VRK3: variants seen among roughly 807,000 people sequenced by gnomAD.
The protein encoded by VRK3 is VRK serine/threonine kinase 3, also known as serine/threonine-protein kinase VRK3.
In VRK3, 50 loss-of-function variants were observed where a neutral mutation model predicts 60.4. The observed-to-expected ratio is 0.83, with a 90% CI of 0.66 to 1.05. The LOEUF is 1.05. Ranked by LOEUF, VRK3 falls within the 50% of genes least tolerant of loss-of-function variation. The pLI is 0.00. For missense variants in VRK3, 549 were observed against 585.3 expected, an observed-to-expected ratio of 0.94 and a Z score of 0.64; for synonymous variants, 246 against 227.8, an observed-to-expected ratio of 1.08 and a Z score of -0.72.
intron 5 of VRK3, chr19:50,001,152 G>T (rs1320492270): frequency 3.1e-6 from 1 of 326,180 alleles, no homozygotes; most frequent in Non-Finnish European, 5.7e-6. Context: ...TAAGTGAGTG[G>T]GGCTCGCTGA....
chr19:49,995,793 G>A (rs932760302), intron 7 of VRK3, among the ~76,000 whole-genome samples: 3 of 152,096 alleles, frequency 2.0e-5, no homozygotes, highest in Admixed American at 6.6e-5. Flanking sequence ...CTGTCGCCCT[G>A]GATGGAATAC....
intron 5 of VRK3, among the ~76,000 whole-genome samples, chr19:50,007,020 A>G (rs2076903437): frequency 6.6e-6 from 1 of 151,932 alleles, no homozygotes; most frequent in Non-Finnish European, 1.5e-5. Flanking sequence ...CCCCACCCCC[A>G]AGCACGATGA....
chr19:49,981,711 TAAAG>T, intron 12 of VRK3: 1 of 999,796 alleles, frequency 1.0e-6, no homozygotes, highest in Non-Finnish European at 1.2e-6. Flanking sequence ...AAGATGGAAA[TAAAG>T]ATTTTATTAC....
intron 6 of VRK3, 171 bp from the exon 7 acceptor site, chr19:49,997,741 G>T: frequency 1.6e-6 from 1 of 617,064 alleles, no homozygotes; most frequent in Non-Finnish European, 2.8e-6. Context: ...GAGACTGCGA[G>T]CTACCTTGCT....
rs558859093 is a variant in VRK3, at chr19:50,014,321, G to A, written c.139+1703C>T. ...CGTCTGTAATGCCAGTACTTTGGGA[G>A]GCCGAGGCGGGTGGATCATTTGAGG... On this transcript the variant is annotated intron_variant, in intron 3 of 14. Coordinates refer to ENST00000316763, the MANE Select transcript of VRK3 (RefSeq NM_016440.4). Among the ~76,000 whole-genome samples the A allele has an allele frequency of 3.8e-4, 58 of 152,080 alleles. 1 individual carries two copies. The highest frequency in any genetic ancestry group is 7.9e-4 in the Non-Finnish European group (54 of 67,988).
rs1396166635 is a variant in VRK3, at chr19:49,979,200, T to C, written c.1319A>G (p.Tyr440Cys). 6.2e-7 allele frequency: 1 copy of C among 1,613,866 alleles called. No individual in the cohort carries two copies. The highest frequency in any genetic ancestry group is 1.1e-5 in the South Asian group (1 of 91,070). The stretch of plus-strand genomic sequence containing the variant: ...CATGGCGTAGGGCGGCTTCTCCTCA[T>C]ACGTGAGGGCCATCACCACCTTCAG... ...KYLKVVMALT[Y>C]EEKPPYAMLR... The change falls in exon 14 of 15, where the codon TAT becomes TGT. Residue 440 changes from tyrosine (Y) to cysteine (C), a missense_variant. Coordinates refer to ENST00000316763, the MANE Select transcript of VRK3 (RefSeq NM_016440.4).
chr19:49,989,608 T>C, intron 11 of VRK3, 31 bp downstream of exon 11: 1 of 1,575,928 alleles, frequency 6.3e-7, no homozygotes, highest in Non-Finnish European at 8.7e-7. Flanking sequence ...AGCATCTCTC[T>C]GCGGTCCCAA....
At chr19:49,986,156 T>C (rs2076511971) in intron 12 of VRK3, 1 of 152,230 alleles carries the variant, frequency 6.6e-6, no homozygotes, top group African/African-American at 2.4e-5. Flanking sequence ...ATTAAACACA[T>C]ACCCAAGAAC....
At position 49,979,148 on chromosome 19, in the gene VRK3, C is replaced by T. The variant is rs1300364150; in HGVS notation, c.1371G>A (p.Leu457=). ...AMLRNNLEAL[L]QDLRVSPYDP... is the part of the protein sequence containing the mutation. ...CATATGGAGACACACGCAGATCCTG[C>T]AGCAAAGCTTCTAGGTTGTTCCTCA... Residue 457 remains leucine, a synonymous_variant, in exon 14 of 15, where the codon CTG becomes CTA. Transcript: ENST00000316763. 4 of 1,614,006 alleles carry T rather than the reference C, an allele frequency of 2.5e-6. No homozygotes were observed. The Admixed American group carries it at 5.0e-5, about 20-fold the overall frequency.
Position 50,023,180 on chromosome 19 carries a change from G to C in VRK3, c.-65+2087C>G, listed in dbSNP as rs189208015. 9.2e-5 allele frequency among the ~76,000 whole-genome samples: 14 copies of C among 152,198 alleles called. No individual in the cohort carries two copies. The East Asian group carries it at 2.5e-3, about 27-fold the overall frequency. ...AGACCTTCTTGGACACGATTTTACT[G>C]TGTTTTTTCTTTTCTTTTTTTTGAG... On this transcript the variant is annotated intron_variant, in intron 1 of 14. Transcript: ENST00000316763.
At position 49,980,838 on chromosome 19, in the gene VRK3, T is replaced by C. The variant is rs572122613; in HGVS notation, c.1276+117A>G. On this transcript the variant is annotated intron_variant, in intron 13 of 14. Coordinates refer to ENST00000316763, the MANE Select transcript of VRK3 (RefSeq NM_016440.4). ...TTCTACAATGGGTACGTATTACAAATGCAATTTGGAAAACTAAAAAAAATG... is the reference window on the plus strand; with the variant it reads ...TTCTACAATGGGTACGTATTACAAACGCAATTTGGAAAACTAAAAAAAATG... 4.9e-5 allele frequency: 43 copies of C among 871,716 alleles called. No homozygotes were observed. The East Asian group carries it at 6.0e-4, about 12-fold the overall frequency. 54.0% of individuals were successfully genotyped at this position (871,716 alleles called of 1,614,324 possible).
At chr19:49,991,524 C>T (rs1158476616) in intron 10 of VRK3, among the ~76,000 whole-genome samples, 2 of 151,852 alleles carry the variant, frequency 1.3e-5, no homozygotes, top group Non-Finnish European at 2.9e-5. Flanking sequence ...TCTCTACACA[C>T]ACACACACAC....
At chr19:50,002,047 G>T (rs2122296832) in intron 5 of VRK3, among the ~76,000 whole-genome samples, 1 of 152,148 alleles carries the variant, frequency 6.6e-6, no homozygotes, top group African/African-American at 2.4e-5. Context: ...ATAACACCAG[G>T]GCTCCCCAGC....
intron 12 of VRK3, chr19:49,981,585 A>G (rs2076423080): frequency 1.7e-6 from 1 of 587,522 alleles, no homozygotes. Context: ...TGTTTTATGT[A>G]TGTTTCTGTT....
intron 6 of VRK3, 187 bp downstream of exon 6, chr19:50,000,603 G>A: frequency 1.5e-6 from 1 of 652,966 alleles, no homozygotes; most frequent in African/African-American, 1.8e-5. Context: ...TCCAACTGTG[G>A]GTTTCCAACA....
chr19:50,006,168 G>A (rs952470822), intron 5 of VRK3, among the ~76,000 whole-genome samples: 6 of 151,172 alleles, frequency 4.0e-5, no homozygotes, highest in Non-Finnish European at 8.8e-5. Flanking sequence ...AATTTAGCCC[G>A]GTGTGGTGGC....
chr19:50,014,560 G>A (rs1271775562), intron 3 of VRK3, among the ~76,000 whole-genome samples: 1 of 149,498 alleles, frequency 6.7e-6, no homozygotes, highest in Non-Finnish European at 1.5e-5. Context: ...CTGGGCGAAA[G>A]AGCAAGACTC....
intron 4 of VRK3, 38 bp from the exon 5 acceptor site, chr19:50,007,864 C>T: frequency 6.2e-7 from 1 of 1,609,088 alleles, no homozygotes; most frequent in Non-Finnish European, 8.5e-7. Context: ...AAGCACCATC[C>T]AGGAGAGAAA....
intron 7 of VRK3, 119 bp downstream of exon 7, chr19:49,997,385 C>A: frequency 8.8e-7 from 1 of 1,139,210 alleles, no homozygotes; most frequent in Non-Finnish European, 1.3e-6. Flanking sequence ...CAGATGGGAG[C>A]AAACCTGGGC....
Sources: allele counts gnomAD v4.1 joint callset (sites outside exome capture counted in the v4.1 genomes callset), GRCh38; gene constraint gnomAD v4.1.1; transcripts MANE v1.5; gene names NCBI Gene and HGNC (gene_info 2026-07-23, HGNC 2026-07-21).